The following IGFL4 variants were observed in gnomAD, a reference collection of about 807,000 sequenced individuals.
The protein encoded by IGFL4 is insulin growth factor-like family member 4.
Under a neutral mutation model 15.4 loss-of-function variants are expected in IGFL4, and 12 were observed. That is an observed-to-expected ratio of 0.78 (90% confidence interval 0.50 to 1.26). IGFL4 has a LOEUF of 1.26. Among genes scored for constraint, IGFL4 ranks in the 50% most tolerant of loss-of-function variants. The pLI, the probability that IGFL4 is intolerant of heterozygous loss-of-function variation, is 0.00. For synonymous variants in IGFL4, 54 were observed against 55.9 expected, an observed-to-expected ratio of 0.97 and a Z score of 0.16; for missense variants, 126 against 147.8, an observed-to-expected ratio of 0.85 and a Z score of 0.76.
At chr19:46,054,375 A>G (rs978052933) in intron 2 of IGFL4, among the ~76,000 whole-genome samples, 6 of 152,132 alleles carry the variant, frequency 3.9e-5, no homozygotes, top group Admixed American at 6.5e-5. Context: ...CCTTTCCCCA[A>G]TGAGTGTTCC....
At chr19:46,066,231 T>A (rs528070535) in intron 1 of IGFL4, among the ~76,000 whole-genome samples, 10 of 152,328 alleles carry the variant, frequency 6.6e-5, no homozygotes, top group South Asian at 4.1e-4. Context: ...CTAGTTAAGT[T>A]TGAATTTCAG....
intron 2 of IGFL4, chr19:46,059,880 T>G (rs1471543740): frequency 6.6e-6 from 1 of 152,148 alleles, no homozygotes; most frequent in East Asian, 1.9e-4. Context: ...TTGGGTAAAT[T>G]CCTCTCCTCT....
intron 1 of IGFL4, among the ~76,000 whole-genome samples, chr19:46,076,700 ACATT>A (rs1263972159): frequency 2.7e-5 from 4 of 148,622 alleles, no homozygotes; most frequent in Admixed American, 2.7e-4. Context: ...AAATATAAAT[ACATT>A]ATTTATAATA....
chr19:46,060,955 T>C (rs1358214808), intron 1 of IGFL4, among the ~76,000 whole-genome samples: 2 of 152,242 alleles, frequency 1.3e-5, no homozygotes, highest in African/African-American at 4.8e-5. Flanking sequence ...GTAAACTTTT[T>C]ATTAACCCTT....
chr19:46,066,124 GCACCTACCAT>G (rs955467586), intron 1 of IGFL4, among the ~76,000 whole-genome samples: 19 of 152,182 alleles, frequency 1.2e-4, no homozygotes, highest in Non-Finnish European at 2.6e-4. Context: ...CAGGGAGCCA[GCACCTACCAT>G]CTTCTTGAAA....
At chr19:46,048,836 A>G (rs1308719094) in intron 2 of IGFL4, among the ~76,000 whole-genome samples, 3 of 152,238 alleles carry the variant, frequency 2.0e-5, no homozygotes, top group Non-Finnish European at 4.4e-5. Context: ...GAAAATGGCC[A>G]TACTGCTCAA....
chr19:46,060,257 A>G (rs770969119), exon 2 of IGFL4: 4 of 152,220 alleles, frequency 2.6e-5, no homozygotes, highest in Non-Finnish European at 5.9e-5. Flanking sequence ...CACAGGAGTT[A>G]AGCTGTCAGT....
chr19:46,055,826 G>C (rs1969388012), intron 2 of IGFL4, among the ~76,000 whole-genome samples: 1 of 152,144 alleles, frequency 6.6e-6, no homozygotes, highest in Non-Finnish European at 1.5e-5. Context: ...GCCCAGGCTG[G>C]AGTGCAGTGG....
intron 1 of IGFL4, among the ~76,000 whole-genome samples, chr19:46,070,118 A>G (rs1375204431): frequency 6.7e-6 from 1 of 150,200 alleles, no homozygotes; most frequent in Non-Finnish European, 1.5e-5. Flanking sequence ...CATGAAGCTC[A>G]AATACGAATT....
intron 1 of IGFL4, among the ~76,000 whole-genome samples, chr19:46,061,749 G>A (rs12460372): frequency 2.1e-3 from 326 of 152,260 alleles, no homozygotes; most frequent in Admixed American, 3.9e-3. Flanking sequence ...TCCCCCATAG[G>A]AGTCTTATGT....
In IGFL4 at chr19:46,040,524, C is replaced by G; in HGVS notation, c.64G>C (p.Val22Leu). The change falls in exon 2 of 4, where the codon GTC becomes CTC. Residue 22 changes from valine (V) to leucine (L), a missense_variant. Transcript: ENST00000377697. This position sits in a 1 kb window ranked among gnomAD's most constrained non-coding sequence, Gnocchi z 4.1. ...FELLGSNSEGVTDLRLWLCQP... is the reference protein window; with the variant it reads ...FELLGSNSEGLTDLRLWLCQP... ...TCACTGCATCTGTTCTCACCTGTGACTCCTTCTGAGTTTGAACCCAAAAGT... is the reference window on the plus strand; with the variant it reads ...TCACTGCATCTGTTCTCACCTGTGAGTCCTTCTGAGTTTGAACCCAAAAGT... 1 of 1,614,182 alleles carries G rather than the reference C, an allele frequency of 6.2e-7. No homozygotes were observed. The highest frequency in any genetic ancestry group is 1.1e-5 in the South Asian group (1 of 91,086).
chr19:46,051,151 A>G (rs986821213), intron 2 of IGFL4, among the ~76,000 whole-genome samples: 2 of 152,224 alleles, frequency 1.3e-5, no homozygotes, highest in Non-Finnish European at 2.9e-5. Context: ...AGCCAGCACT[A>G]CAAGAACTGC....
upstream of IGFL4, chr19:46,041,053 G>A (rs10518266): frequency 9.6e-3 from 11,255 of 1,178,290 alleles, 772 homozygotes; most frequent in African/African-American, 0.15. Flanking sequence ...TGAACTTACC[G>A]CCATTTAGGG....
upstream of IGFL4, among the ~76,000 whole-genome samples, chr19:46,041,453 C>T (rs574364427): frequency 2.2e-4 from 33 of 152,242 alleles, no homozygotes; most frequent in South Asian, 6.2e-4. Flanking sequence ...TTCAGAGTCA[C>T]GTAGGAGAAT....
At chr19:46,065,067 C>A (rs1969481794) in intron 1 of IGFL4, among the ~76,000 whole-genome samples, 1 of 152,126 alleles carries the variant, frequency 6.6e-6, no homozygotes, top group Non-Finnish European at 1.5e-5. Flanking sequence ...TTTCATATGC[C>A]TGTTTGCCAT....
intron 2 of IGFL4, among the ~76,000 whole-genome samples, chr19:46,057,247 T>A (rs6509251): frequency 0.15 from 22,667 of 152,054 alleles, 2,014 homozygotes; most frequent in East Asian, 0.23. Flanking sequence ...AGGGAGGTAG[T>A]GGACTCTTAA....
chr19:46,074,590 C>G (rs1283898103), intron 1 of IGFL4, among the ~76,000 whole-genome samples: 1 of 151,820 alleles, frequency 6.6e-6, no homozygotes, highest in African/African-American at 2.4e-5. Context: ...ACTTGGAGTC[C>G]GATGTTTGAG....
intron 3 of IGFL4, 49 bp from the exon 4 acceptor site, chr19:46,039,985 C>CAGT (rs765935307): frequency 7.7e-6 from 12 of 1,554,140 alleles, no homozygotes; most frequent in Admixed American, 6.7e-5. Flanking sequence ...AGGGTGGTAG[C>CAGT]AGCAGTGGCG....
upstream of IGFL4, chr19:46,077,267 A>C (rs149733058): frequency 0.013 from 2,051 of 152,274 alleles, 31 homozygotes; most frequent in Middle Eastern, 0.027. This position sits in a 1 kb window ranked among gnomAD's most constrained non-coding sequence, Gnocchi z 5.4. Flanking sequence ...CGAGGCCAAA[A>C]CCTGGGTGTG....
Sources: gnomAD v4.1 joint callset for allele counts (sites outside exome capture counted in the v4.1 genomes callset) on GRCh38, gnomAD v4.1.1 for gene constraint, Gnocchi (gnomAD v3.1) non-coding constraint, MANE v1.5 for transcripts, NCBI Gene and HGNC (gene_info 2026-07-23, HGNC 2026-07-21) for gene names.